KLF13: variants seen among roughly 807,000 people sequenced by gnomAD.
KLF13 encodes the protein KLF transcription factor 13, also known as Krueppel-like factor 13.
In KLF13, 8 loss-of-function variants were observed where a neutral mutation model predicts 16.7. The observed-to-expected ratio is 0.48, with a 90% CI of 0.28 to 0.87. The LOEUF (loss-of-function observed/expected upper bound fraction) is 0.87. Ranked by LOEUF, KLF13 falls within the 40% of genes least tolerant of loss-of-function variation. The pLI is 0.10. For synonymous variants in KLF13, 245 were observed against 208.4 expected (o/e 1.18, Z -1.51); for missense variants, 447 against 452.2 (o/e 0.99, Z 0.10).
rs186876686 is a variant in KLF13 at position 31,363,388 on chromosome 15, G to A, written c.578-8622G>A. 2.2e-3 allele frequency among the ~76,000 whole-genome samples: 332 copies of A among 152,350 alleles called. 1 individual carries two copies. The highest frequency in any genetic ancestry group is 7.1e-3 in the African/African-American group (294 of 41,572). ...AGATTAGCCGTTTGTGATAGGAGCT[G>A]CAAATATTTTTTCTCTCAGTTTTGT... On this transcript the variant is annotated intron_variant, in intron 1 of 1. Transcript: ENST00000307145.
intron 1 of KLF13, among the ~76,000 whole-genome samples, chr15:31,328,501 T>C (rs897040263): frequency 6.6e-6 from 1 of 151,718 alleles, no homozygotes; most frequent in Non-Finnish European, 1.5e-5. Flanking sequence ...GGCCCTAGGC[T>C]CCTCGGCCTC....
chr15:31,435,542 C>T (rs1254418953), exon 2 of KLF13: 1 of 152,186 alleles, frequency 6.6e-6, no homozygotes. Context: ...GTGTCTCCAC[C>T]CCCAGACCTT....
intron 1 of KLF13, among the ~76,000 whole-genome samples, chr15:31,428,966 C>T (rs2040435138): frequency 6.6e-6 from 1 of 152,092 alleles, no homozygotes; most frequent in African/African-American, 2.4e-5. Context: ...ATTATTCAGA[C>T]AATGTGTAGT....
At chr15:31,360,918 G>A (rs895015630) in intron 1 of KLF13, among the ~76,000 whole-genome samples, 1 of 152,174 alleles carries the variant, frequency 6.6e-6, no homozygotes, top group African/African-American at 2.4e-5. Context: ...CAGGTGGCAG[G>A]TGCTGGGCCT....
intron 1 of KLF13, among the ~76,000 whole-genome samples, chr15:31,421,862 C>T (rs1295845306): frequency 2.0e-5 from 3 of 152,074 alleles, no homozygotes; most frequent in Non-Finnish European, 4.4e-5. Context: ...ACATGTATTG[C>T]CAGCATTTTG....
chr15:31,392,037 C>T (rs980000337), upstream of KLF13, among the ~76,000 whole-genome samples: 2 of 151,932 alleles, frequency 1.3e-5, no homozygotes, highest in Admixed American at 1.3e-4. Context: ...GCCTCCGAAG[C>T]GAGCGGCCAG....
chr15:31,390,477 G>A (rs1308128816), upstream of KLF13, among the ~76,000 whole-genome samples: 1 of 152,146 alleles, frequency 6.6e-6, no homozygotes, highest in Non-Finnish European at 1.5e-5. Flanking sequence ...GCTACTGATG[G>A]GGATCTGATG....
At chr15:31,370,330 T>TC (rs1046034063) in intron 1 of KLF13, among the ~76,000 whole-genome samples, 2 of 152,270 alleles carry the variant, frequency 1.3e-5, no homozygotes, top group African/African-American at 4.8e-5. Context: ...GTTCTTTTTT[T>TC]CTCATATATT....
intron 1 of KLF13, among the ~76,000 whole-genome samples, chr15:31,368,073 A>T (rs1191050405): frequency 8.0e-6 from 1 of 125,472 alleles, no homozygotes; most frequent in African/African-American, 3.2e-5. Flanking sequence ...CCTCTTCTCC[A>T]TGCTCCACAC....
Position 31,328,751 on chromosome 15 carries a change from TGTTTC to T in KLF13, c.577+967_577+971del, listed in dbSNP as rs2038771023. On this transcript the variant is annotated intron_variant, in intron 1 of 1. Coordinates refer to ENST00000307145, the MANE Select transcript of KLF13 (RefSeq NM_015995.4). ...CTGTGGCGGTTCCCTCCCCCCTTTT[TGTTTC>T]GTTTTTAACATAAAGATGAAAATAT... 5.3e-5 allele frequency among the ~76,000 whole-genome samples: 8 copies of T among 152,326 alleles called. No individual in the cohort carries two copies. The South Asian group carries it at 1.7e-3, about 32-fold the overall frequency.
At chr15:31,420,465 T>C in intron 1 of KLF13, 2 of 774,228 alleles carry the variant, frequency 2.6e-6, no homozygotes, top group South Asian at 1.3e-5. Context: ...CAGGGTAACA[T>C]ATGCCTGGAT....
At chr15:31,420,515 A>G (rs1489116477) in intron 1 of KLF13, 18 of 596,486 alleles carry the variant, frequency 3.0e-5, no homozygotes, top group South Asian at 2.7e-4. Flanking sequence ...TGGCATCAGG[A>G]CCATTCTGGT....
intron 1 of KLF13, among the ~76,000 whole-genome samples, chr15:31,419,925 T>C (rs926408868): frequency 1.3e-5 from 2 of 151,492 alleles, no homozygotes; most frequent in Non-Finnish European, 2.9e-5. Flanking sequence ...AAAGAGAGAG[T>C]CTTGAAAATA....
In KLF13 at chr15:31,427,685, G is replaced by A. The variant is rs1460213270; in HGVS notation, n.118-7685G>A. Reference sequence around the variant, plus strand: ...ATTGGGTAATTTATAAAGAAGAAAAGTTTAATTGCCTCACAGTTCTGCAGG... The same window carrying A: ...ATTGGGTAATTTATAAAGAAGAAAAATTTAATTGCCTCACAGTTCTGCAGG... On this transcript the variant is annotated intron_variant and non_coding_transcript_variant, in intron 1 of 1. Coordinates refer to the KLF13 transcript ENST00000558225. Among the ~76,000 whole-genome samples the A allele has an allele frequency of 2.6e-5, 4 of 152,322 alleles. No individual in the cohort carries two copies. In the East Asian group the frequency reaches 7.7e-4, roughly 29 times the overall value.
intron 1 of KLF13, 141 bp from the exon 2 acceptor site, chr15:31,371,869 T>C: frequency 1.0e-6 from 1 of 968,170 alleles, no homozygotes; most frequent in Non-Finnish European, 1.5e-6. Flanking sequence ...CTTGATGGAT[T>C]TGTCACAGAA....
intron 1 of KLF13, among the ~76,000 whole-genome samples, chr15:31,335,384 G>A (rs1413280724): frequency 1.3e-5 from 2 of 149,840 alleles, no homozygotes; most frequent in African/African-American, 4.9e-5. Flanking sequence ...CCCTCCTGAT[G>A]CAGGGCCAGG....
chr15:31,364,280 A>C (rs963325481), intron 1 of KLF13, among the ~76,000 whole-genome samples: 3 of 152,262 alleles, frequency 2.0e-5, no homozygotes, highest in Admixed American at 6.5e-5. Context: ...GCATTGTAGA[A>C]ATGTGGAGCC....
intron 2 of KLF13, among the ~76,000 whole-genome samples, chr15:31,397,166 G>T (rs1236991128): frequency 6.6e-6 from 1 of 151,052 alleles, no homozygotes; most frequent in East Asian, 2.0e-4. Context: ...ATGGGCAAAG[G>T]GGGGTTGGGA....
At chr15:31,430,446 G>A (rs908838159) in intron 1 of KLF13, among the ~76,000 whole-genome samples, 35 of 152,138 alleles carry the variant, frequency 2.3e-4, no homozygotes, top group African/African-American at 7.5e-4. Flanking sequence ...TTAAAGGGCC[G>A]GCATCTGGCA....
Sources: allele counts gnomAD v4.1 joint callset (sites outside exome capture counted in the v4.1 genomes callset), GRCh38; gene constraint gnomAD v4.1.1; transcripts MANE v1.5; gene names NCBI Gene and HGNC (gene_info 2026-07-23, HGNC 2026-07-21).